ZZEF1: variants seen among roughly 807,000 people sequenced by gnomAD.
ZZEF1 encodes zinc finger ZZ-type and EF-hand domain containing 1, also known as zinc finger ZZ-type and EF-hand domain-containing protein 1.
ZZEF1 carries 157 observed loss-of-function variants against 342.8 expected under a neutral mutation model. That is an observed-to-expected ratio of 0.46 (90% CI 0.40 to 0.52). The LOEUF is 0.52. Among genes scored for constraint, ZZEF1 ranks in the 20% least tolerant of loss-of-function variants. The pLI, the probability that ZZEF1 is intolerant of heterozygous loss-of-function variation, is 0.00. For missense variants in ZZEF1, 3,480 were observed against 3,725.6 expected (o/e 0.93, Z 1.72); for synonymous variants, 1,505 against 1,429.1 (o/e 1.05, Z -1.20).
chr17:4,110,867 A>G (rs2058284895), intron 5 of ZZEF1, among the ~76,000 whole-genome samples: 1 of 152,126 alleles, frequency 6.6e-6, no homozygotes, highest in Non-Finnish European at 1.5e-5. Flanking sequence ...GGCATGCGCC[A>G]CCACGCCCGG....
intron 39 of ZZEF1, among the ~76,000 whole-genome samples, chr17:4,041,191 T>C (rs554075121): frequency 6.6e-6 from 1 of 152,170 alleles, no homozygotes; most frequent in African/African-American, 2.4e-5. Context: ...GAAAAACACA[T>C]CTTCAAAATA....
At chr17:4,009,110 C>G in intron 53 of ZZEF1, 156 bp from the exon 54 acceptor site, 2 of 935,622 alleles carry the variant, frequency 2.1e-6, no homozygotes, top group Non-Finnish European at 3.1e-6. Context: ...TTGCTCAGAA[C>G]CCTGGCGGGA....
Position 4,026,950 on chromosome 17 carries a change from C to T in ZZEF1, c.6893-1832G>A, listed in dbSNP as rs114716294. The stretch of plus-strand genomic sequence containing the variant: ...CCCCAGACAAACTGAGAGATTATGT[C>T]ACGGCAGACCTGCACTATAAATAAT... On this transcript the variant is annotated intron_variant, in intron 42 of 54. Transcript: ENST00000381638. 2.1e-3 allele frequency among the ~76,000 whole-genome samples: 327 copies of T among 152,242 alleles called. 2 individuals are homozygous for T. Among genetic ancestry groups the T allele is most frequent in the Middle Eastern group, 0.014 (4 of 294 alleles).
chr17:4,095,701 T>C (rs2145408421), intron 11 of ZZEF1, 130 bp downstream of exon 11: 1 of 926,026 alleles, frequency 1.1e-6, no homozygotes, highest in South Asian at 2.1e-5. Flanking sequence ...GCCACTGAGA[T>C]GGATTAGTGG....
chr17:4,026,512 CTTTT>C (rs950402170), intron 42 of ZZEF1, among the ~76,000 whole-genome samples: 2 of 147,560 alleles, frequency 1.4e-5, no homozygotes, highest in East Asian at 2.0e-4. Flanking sequence ...AGACAAACAT[CTTTT>C]TTTTTTCTTT....
Position 4,008,841 on chromosome 17 carries a change from G to A in ZZEF1, c.8805+42C>T, listed in dbSNP as rs767592335. 26 of 1,540,860 alleles carry A rather than the reference G, an allele frequency of 1.7e-5. 1 individual carries two copies. In the Middle Eastern group the frequency reaches 1.0e-3, roughly 59 times the overall value. On this transcript the variant is annotated intron_variant, in intron 54 of 54. Coordinates refer to ENST00000381638, the MANE Select transcript of ZZEF1 (RefSeq NM_015113.4). This position sits in a 1 kb window ranked among gnomAD's most constrained non-coding sequence, Gnocchi z 4.2. ...GCCCTGGCAATGGTGAGATGGTGGC[G>A]CCCCAGCCTGGGGGCCAGCTCTGTT...
intron 23 of ZZEF1, among the ~76,000 whole-genome samples, chr17:4,074,769 C>G (rs1247798701): frequency 3.3e-5 from 5 of 152,234 alleles, no homozygotes; most frequent in Non-Finnish European, 7.3e-5. Flanking sequence ...TCTGGGCCAT[C>G]CTCCTAGACC....
chr17:4,067,095 T>C, intron 27 of ZZEF1, 68 bp downstream of exon 27: 3 of 1,323,390 alleles, frequency 2.3e-6, no homozygotes, highest in Admixed American at 1.9e-5. Flanking sequence ...GAACAATTCA[T>C]CTTAATTCCA....
At position 4,122,285 on chromosome 17, in the gene ZZEF1, T is replaced by C. The variant is rs1345328003; in HGVS notation, c.499+1622A>G. On this transcript the variant is annotated intron_variant, in intron 2 of 54. Transcript: ENST00000381638. ...CTTTCAAACACAATTGTCTTCTCACTAGAAAAAACAAATGTTAATTTTATT... is the reference window on the plus strand; with the variant it reads ...CTTTCAAACACAATTGTCTTCTCACCAGAAAAAACAAATGTTAATTTTATT... Among the ~76,000 whole-genome samples the C allele has an allele frequency of 3.9e-5, 6 of 152,028 alleles. No individual in the cohort carries two copies. The East Asian group carries it at 5.8e-4, about 15-fold the overall frequency.
rs147591289 is a variant in ZZEF1 at position 4,081,782 on chromosome 17, C to T, written c.2715-292G>A. ...CCAATATGAAATACACCTCATCTCA[C>T]GACTGCTAGCTTCAAAGTCCTGGCT... On this transcript the variant is annotated intron_variant, in intron 17 of 54. Transcript: ENST00000381638. Among the ~76,000 whole-genome samples the T allele has an allele frequency of 5.6e-3, 858 of 152,312 alleles. 5 individuals are homozygous for T. The highest frequency in any genetic ancestry group is 0.02 in the African/African-American group (823 of 41,568).
intron 14 of ZZEF1, among the ~76,000 whole-genome samples, chr17:4,086,994 G>C (rs1317936893): frequency 6.6e-6 from 1 of 152,050 alleles, no homozygotes. Context: ...CAATTCTTCC[G>C]CCTCAGCCTC....
chr17:4,014,194 C>A lies in ZZEF1; in HGVS notation c.8315-6G>T, dbSNP rs1597754449. 1 of 1,614,074 alleles carries A rather than the reference C, an allele frequency of 6.2e-7. No homozygotes were observed. ...GCGGTAATACAGAGTGTCTCCTAGG[C>A]ACACAAGGATCAGAGGCCCATCAGG... On this transcript the variant is annotated splice_region_variant and splice_polypyrimidine_tract_variant and intron_variant, in intron 50 of 54. Transcript: ENST00000381638. The surrounding 1 kb of genome is among the most constrained non-coding windows in gnomAD (Gnocchi z 4.4).
chr17:4,033,774 T>C (rs561603735), intron 40 of ZZEF1: 18 of 562,806 alleles, frequency 3.2e-5, no homozygotes, highest in African/African-American at 2.8e-4. Context: ...ATATGCCTCA[T>C]TAGAGAGTTG....
At chr17:4,116,911 C>G (rs2058403296) in intron 3 of ZZEF1, 61 bp downstream of exon 3, 1 of 1,464,854 alleles carries the variant, frequency 6.8e-7, no homozygotes, top group Non-Finnish European at 9.1e-7. Flanking sequence ...CTCATTTTAC[C>G]AACACAACAG....
At chr17:4,126,656 T>G (rs1463247060) in intron 1 of ZZEF1, among the ~76,000 whole-genome samples, 1 of 152,154 alleles carries the variant, frequency 6.6e-6, no homozygotes, top group Admixed American at 6.5e-5. Context: ...AAAAGCCTAT[T>G]TTAAAAAGCA....
At chr17:4,128,163 T>G (rs67572826) in intron 1 of ZZEF1, among the ~76,000 whole-genome samples, 20,244 of 151,846 alleles carry the variant, frequency 0.13, 1,570 homozygotes, top group East Asian at 0.19. Context: ...CTGCCCAACA[T>G]GGTGAAACCC....
intron 1 of ZZEF1, among the ~76,000 whole-genome samples, chr17:4,137,417 T>C (rs1037651262): frequency 1.6e-4 from 25 of 152,310 alleles, no homozygotes; most frequent in African/African-American, 4.6e-4. Flanking sequence ...GAGACCATCC[T>C]GGCTAACACG....
chr17:4,080,320 A>AT (rs113284716), intron 18 of ZZEF1, among the ~76,000 whole-genome samples: 77 of 107,594 alleles, frequency 7.2e-4, no homozygotes, highest in African/African-American at 1.7e-3. Context: ...AGAAATCTGA[A>AT]TTTTTTTTTT....
chr17:4,050,010 G>A (rs2057011702), intron 36 of ZZEF1, 151 bp from the exon 37 acceptor site: 13 of 837,418 alleles, frequency 1.6e-5, no homozygotes, highest in Non-Finnish European at 2.3e-5. Flanking sequence ...AACATCCCTC[G>A]CTGTCTAAAT....
Sources: allele counts gnomAD v4.1 joint callset (sites outside exome capture counted in the v4.1 genomes callset), GRCh38; gene constraint gnomAD v4.1.1; non-coding constraint Gnocchi (gnomAD v3.1); transcripts MANE v1.5; gene names NCBI Gene and HGNC (gene_info 2026-07-23, HGNC 2026-07-21).